Variants in MSN observed in about 807,000 individuals in gnomAD.
MSN encodes the protein epididymis luminal protein 70.
Under a neutral mutation model 48.0 loss-of-function variants are expected in MSN, and 2 were observed. The ratio of observed to expected loss-of-function variants is 0.04; its 90% CI spans 0.02 to 0.13. The LOEUF is 0.13. Among genes scored for constraint, MSN ranks in the 10% least tolerant of loss-of-function variants. The pLI is 1.00. For synonymous variants in MSN, 146 were observed against 166.9 expected (o/e 0.87, Z 0.97); for missense variants, 267 against 470.1 (o/e 0.57, Z 3.99).
chrX:65,677,989 C>G (rs1021450176), intron 1 of MSN, among the ~76,000 whole-genome samples: 4 of 110,968 alleles, frequency 3.6e-5, no homozygotes, highest in Non-Finnish European at 7.5e-5. Flanking sequence ...GCCTTTCTGT[C>G]TGCCATAGCC....
At chrX:65,670,945 TA>T (rs2070933820) in intron 1 of MSN, among the ~76,000 whole-genome samples, 2 of 61,207 alleles carry the variant, frequency 3.3e-5, no homozygotes, top group Admixed American at 2.0e-4. Context: ...TATATATATA[TA>T]TATATATATT....
intron 1 of MSN, among the ~76,000 whole-genome samples, chrX:65,694,536 C>T (rs1003509918): frequency 9.0e-6 from 1 of 110,857 alleles, no homozygotes; most frequent in Non-Finnish European, 1.9e-5. Context: ...CCATGTTGTC[C>T]AGGCTAGTTC....
chrX:65,618,391 A>C (rs1286772820), intron 1 of MSN, among the ~76,000 whole-genome samples: 1 of 111,398 alleles, frequency 9.0e-6, no homozygotes, highest in Non-Finnish European at 1.9e-5. Context: ...CTTGGTGCTC[A>C]TGTATTGGGT....
At chrX:65,664,816 C>T (rs969756332), upstream of MSN, among the ~76,000 whole-genome samples, 2 of 105,040 alleles carry the variant, frequency 1.9e-5, no homozygotes, top group Non-Finnish European at 3.9e-5. Flanking sequence ...GTGGTATGAT[C>T]TTTGCTCACT....
chrX:65,618,613 G>A (rs1201114098), intron 1 of MSN, among the ~76,000 whole-genome samples: 2 of 111,384 alleles, frequency 1.8e-5, no homozygotes, highest in East Asian at 5.6e-4. Flanking sequence ...CTGCATGTGA[G>A]ATGGGTTTCC....
intron 1 of MSN, among the ~76,000 whole-genome samples, chrX:65,595,182 T>C (rs1179888146): frequency 8.9e-6 from 1 of 112,300 alleles, no homozygotes; most frequent in African/African-American, 3.2e-5. Flanking sequence ...AGGGAGTAGA[T>C]GGGGATGCTG....
At chrX:65,647,417 T>A (rs932944136) in intron 1 of MSN, among the ~76,000 whole-genome samples, 14 of 111,722 alleles carry the variant, frequency 1.3e-4, no homozygotes, top group African/African-American at 4.6e-4. Flanking sequence ...TTTGCCATGT[T>A]GGCCAGGCTG....
chrX:65,597,239 G>A (rs756780828), intron 1 of MSN, among the ~76,000 whole-genome samples: 30 of 105,734 alleles, frequency 2.8e-4, no homozygotes, highest in Non-Finnish European at 2.9e-4. Context: ...TTTTGAGACA[G>A]CATCCCACTA....
chrX:65,715,726 C>A (rs1602842916), intron 1 of MSN, among the ~76,000 whole-genome samples: 2 of 111,556 alleles, frequency 1.8e-5, no homozygotes, highest in South Asian at 3.8e-4. Context: ...AGCTTTTGGG[C>A]CGAGACTATT....
intron 1 of MSN, among the ~76,000 whole-genome samples, chrX:65,630,859 A>C (rs2070551309): frequency 9.0e-6 from 1 of 111,610 alleles, no homozygotes; most frequent in Non-Finnish European, 1.9e-5. Context: ...ATTTTTTGAA[A>C]TTTTAATTTT....
At chrX:65,685,064 A>G (rs750363260) in intron 1 of MSN, among the ~76,000 whole-genome samples, 1 of 112,459 alleles carries the variant, frequency 8.9e-6, no homozygotes, top group Non-Finnish European at 1.9e-5. Flanking sequence ...CTTAAAATCT[A>G]CACAAATAAA....
intron 10 of MSN, among the ~76,000 whole-genome samples, chrX:65,738,172 G>A (rs1391669249): frequency 5.3e-5 from 6 of 112,459 alleles, no homozygotes; most frequent in Non-Finnish European, 9.4e-5. Flanking sequence ...AGGATATCAG[G>A]AAAGGATCTG....
intron 1 of MSN, among the ~76,000 whole-genome samples, chrX:65,624,148 G>A (rs913704525): frequency 2.7e-5 from 3 of 109,322 alleles, no homozygotes; most frequent in Non-Finnish European, 3.8e-5. Flanking sequence ...GCTTAATCTC[G>A]GCTCACTGCA....
At chrX:65,623,380 T>G (rs926416519) in intron 1 of MSN, among the ~76,000 whole-genome samples, 1 of 108,521 alleles carries the variant, frequency 9.2e-6, no homozygotes, top group African/African-American at 3.4e-5. Context: ...TTTTTTTTTT[T>G]TTTTACATTG....
chrX:65,620,042 A>C (rs1334956268), intron 1 of MSN, among the ~76,000 whole-genome samples: 2 of 112,087 alleles, frequency 1.8e-5, no homozygotes, highest in African/African-American at 6.5e-5. Context: ...TCAGGGACCC[A>C]CGTGAGGAGG....
At chrX:65,612,793 C>T (rs557752971) in intron 1 of MSN, among the ~76,000 whole-genome samples, 6 of 108,216 alleles carry the variant, frequency 5.5e-5, no homozygotes, top group Admixed American at 2.0e-4. Context: ...GTGATTCCCC[C>T]GCCTCAGCCT....
chrX:65,666,422 G>A (rs1448006117), upstream of MSN, among the ~76,000 whole-genome samples: 1 of 109,798 alleles, frequency 9.1e-6, no homozygotes, highest in Non-Finnish European at 1.9e-5. Flanking sequence ...CGCCTCCCGG[G>A]TTCAAGCGAT....
intron 1 of MSN, among the ~76,000 whole-genome samples, chrX:65,601,498 C>T (rs2148351122): frequency 8.9e-6 from 1 of 112,768 alleles, no homozygotes; most frequent in Admixed American, 9.4e-5. Flanking sequence ...AGCCATTGGG[C>T]CTCTGGAAAG....
intron 1 of MSN, among the ~76,000 whole-genome samples, chrX:65,635,922 G>A (rs1405480643): frequency 8.9e-6 from 1 of 112,447 alleles, no homozygotes; most frequent in Non-Finnish European, 1.9e-5. Context: ...ATATGTGAAA[G>A]CCAGAGAGGG....
Sources: gnomAD v4.1 joint callset for allele counts (sites outside exome capture counted in the v4.1 genomes callset) on GRCh38, gnomAD v4.1.1 for gene constraint, MANE v1.5 for transcripts, NCBI Gene and HGNC (gene_info 2026-07-23, HGNC 2026-07-21) for gene names.